PCDHGB3: variants seen among roughly 807,000 people sequenced by gnomAD.
The protein encoded by PCDHGB3 is protocadherin gamma subfamily B, 3, also known as protocadherin gamma-B3.
A neutral mutation model predicts 59.2 loss-of-function variants in PCDHGB3; 40 were observed. The observed-to-expected ratio is 0.68, with a 90% CI of 0.52 to 0.88. The LOEUF (loss-of-function observed/expected upper bound fraction) is 0.88, where lower values mean the gene tolerates loss of function less well. Ranked by LOEUF, PCDHGB3 falls within the 40% of genes least tolerant of loss-of-function variation. The pLI is 0.00. For synonymous variants in PCDHGB3, 581 were observed against 503.6 expected (o/e 1.15, Z -2.06); for missense variants, 1,309 against 1,187.9 (o/e 1.10, Z -1.50).
rs763160633 is a variant in PCDHGB3 at position 141,418,261 on chromosome 5, G to A, written c.2415+45452G>A. 3 of 1,614,056 alleles carry A rather than the reference G, an allele frequency of 1.9e-6. No homozygotes were observed. In the South Asian group the frequency reaches 3.3e-5, roughly 18 times the overall value. Reference sequence around the variant, plus strand: ...TTAATGACCACGCCCCTCAATTCCGGAAAGATGAAATAAACTTAGAAATCA... The same window carrying A: ...TTAATGACCACGCCCCTCAATTCCGAAAAGATGAAATAAACTTAGAAATCA... On this transcript the variant is annotated intron_variant, in intron 1 of 3. Coordinates refer to ENST00000576222, the MANE Select transcript of PCDHGB3 (RefSeq NM_018924.5).
intron 1 of PCDHGB3, chr5:141,373,808 A>C (rs1769864521): frequency 5.8e-6 from 2 of 342,678 alleles, no homozygotes; most frequent in South Asian, 1.1e-4. Flanking sequence ...TCTGTGTGAT[A>C]GTTTCACAAA....
chr5:141,386,941 C>A (rs1391826060), intron 1 of PCDHGB3, among the ~76,000 whole-genome samples: 1 of 152,212 alleles, frequency 6.6e-6, no homozygotes, highest in Non-Finnish European at 1.5e-5. Context: ...AGGTAGGAAG[C>A]AGTGCTTCAG....
chr5:141,421,476 C>A, intron 1 of PCDHGB3: 2 of 1,614,158 alleles, frequency 1.2e-6, no homozygotes, highest in Non-Finnish European at 1.7e-6. Context: ...CGCGAAGCGG[C>A]AGCTTGATCA....
intron 1 of PCDHGB3, chr5:141,408,778 A>G (rs1261786266): frequency 6.2e-7 from 1 of 1,612,198 alleles, no homozygotes; most frequent in Non-Finnish European, 8.5e-7. Flanking sequence ...GCAAATACCC[A>G]GAGTTATCTC....
chr5:141,432,362 C>T lies in PCDHGB3; in HGVS notation c.2415+59553C>T. On this transcript the variant is annotated intron_variant, in intron 1 of 3. Transcript: ENST00000576222. The surrounding 1 kb of genome is among the most constrained non-coding windows in gnomAD (Gnocchi z 6.0). ...AGACTTGCAAGTGAAAGTGATGGCG[C>T]GGGACAACGGGCACCCGCCCCTCAG... 2 of 1,614,218 alleles carry T rather than the reference C, an allele frequency of 1.2e-6. No homozygotes were observed. Among genetic ancestry groups the T allele is most frequent in the South Asian group, 2.2e-5 (2 of 91,082 alleles).
chr5:141,489,077 C>G lies in PCDHGB3; in HGVS notation c.2416-5730C>G, dbSNP rs957205894. On this transcript the variant is annotated intron_variant, in intron 1 of 3. Coordinates refer to ENST00000576222, the MANE Select transcript of PCDHGB3 (RefSeq NM_018924.5). The surrounding 1 kb of genome is among the most constrained non-coding windows in gnomAD (Gnocchi z 4.5). The stretch of plus-strand genomic sequence containing the variant: ...AGCTCCCCTCCCCCCTGCCCACCCC[C>G]GCCACTCGGTGACTAAGAACTGCTG... 7 of 325,684 alleles carry G rather than the reference C, an allele frequency of 2.1e-5. No homozygotes were observed. Among genetic ancestry groups the G allele is most frequent in the Non-Finnish European group, 3.9e-5 (7 of 181,468 alleles). The allele number at this position is 325,684 out of a possible 1,614,324, so 20.2% of individuals were successfully genotyped here.
chr5:141,396,935 C>T (rs545100008), intron 1 of PCDHGB3, among the ~76,000 whole-genome samples: 1 of 152,240 alleles, frequency 6.6e-6, no homozygotes, highest in South Asian at 2.1e-4. Flanking sequence ...ATGAAAGTTG[C>T]CCTGGTAGGA....
chr5:141,473,004 AAAAG>A (rs1215989598), intron 1 of PCDHGB3, among the ~76,000 whole-genome samples: 5 of 151,730 alleles, frequency 3.3e-5, no homozygotes, highest in Non-Finnish European at 7.4e-5. Context: ...AAAAGAAAGA[AAAAG>A]AAAAAGAAAG....
chr5:141,370,922 G>C lies in PCDHGB3; in HGVS notation c.528G>C (p.Pro176=), dbSNP rs563952977. 6.2e-7 allele frequency: 1 copy of C among 1,613,978 alleles called. No individual in the cohort carries two copies. The highest frequency in any genetic ancestry group is 1.7e-5 in the Admixed American group (1 of 60,012). The change falls in exon 1 of 4, where the codon CCG becomes CCC. Residue 176 remains proline (P), a synonymous_variant. Coordinates refer to ENST00000576222, the MANE Select transcript of PCDHGB3 (RefSeq NM_018924.5). ...SLQQYYLSPD[P]HFSLIQKENL... ...AGCAGTACTACCTCAGCCCTGATCC[G>C]CACTTCTCTTTGATTCAGAAGGAGA...
Position 141,485,422 on chromosome 5 carries a change from C to G in PCDHGB3, c.2416-9385C>G, listed in dbSNP as rs775279056. 6.2e-7 allele frequency: 1 copy of G among 1,614,130 alleles called. No homozygotes were observed. Among genetic ancestry groups the G allele is most frequent in the East Asian group, 2.2e-5 (1 of 44,872 alleles). ...TCCGTGTGGATTTGGACAGCGGAGC[C>G]CTGCTCATCAAGAACCCAATCGACC... On this transcript the variant is annotated intron_variant, in intron 1 of 3. Transcript: ENST00000576222. The surrounding 1 kb of genome is among the most constrained non-coding windows in gnomAD (Gnocchi z 5.7).
At chr5:141,510,272 TAA>T (rs546154379) in intron 3 of PCDHGB3, among the ~76,000 whole-genome samples, 46 of 130,286 alleles carry the variant, frequency 3.5e-4, no homozygotes, top group South Asian at 5.0e-4. Context: ...GACTCCATCT[TAA>T]AAAAAAAAAA....
chr5:141,386,866 A>G (rs2150322529), intron 1 of PCDHGB3, among the ~76,000 whole-genome samples: 1 of 152,364 alleles, frequency 6.6e-6, no homozygotes, highest in East Asian at 1.9e-4. Context: ...AGCTATTGCA[A>G]TCAAACTTTC....
intron 1 of PCDHGB3, among the ~76,000 whole-genome samples, chr5:141,406,535 G>A (rs2094820779): frequency 6.6e-6 from 1 of 152,168 alleles, no homozygotes; most frequent in South Asian, 2.1e-4. Context: ...TTCTGACGAA[G>A]ATTCAAACTT....
chr5:141,512,897 C>T lies in PCDHGB3; in HGVS notation c.*1724C>T, dbSNP rs1482341871. ...CTCCCACCCCACCCTCTTCCTGTGT[C>T]TCACGCAAGTTTTATACTCTAATAT... On this transcript the variant is annotated 3_prime_UTR_variant, in exon 4 of 4. Coordinates refer to ENST00000576222, the MANE Select transcript of PCDHGB3 (RefSeq NM_018924.5). 1.3e-5 allele frequency: 2 copies of T among 152,274 alleles called. No homozygotes were observed. The highest frequency in any genetic ancestry group is 4.8e-5 in the African/African-American group (2 of 41,470). The allele number at this position is 152,274 out of a possible 1,614,324, so 9.4% of individuals were successfully genotyped here. A position where few individuals can be genotyped will look rare whatever the true frequency, so the allele number is the denominator to read the frequency against.
chr5:141,484,864 A>G, intron 1 of PCDHGB3: 1 of 263,722 alleles, frequency 3.8e-6, no homozygotes, highest in Non-Finnish European at 7.2e-6. Context: ...GGGGTGGGGG[A>G]GCGTGGAGGA....
chr5:141,409,928 G>T, intron 1 of PCDHGB3: 4 of 1,613,354 alleles, frequency 2.5e-6, no homozygotes, highest in Non-Finnish European at 2.5e-6. Flanking sequence ...CGCGTTCTTC[G>T]ATATGGTACC....
chr5:141,450,633 C>T (rs751572851), intron 1 of PCDHGB3, among the ~76,000 whole-genome samples: 2 of 149,416 alleles, frequency 1.3e-5, no homozygotes, highest in East Asian at 2.0e-4. Flanking sequence ...ATTACAGATG[C>T]CTGCCACCAT....
chr5:141,388,161 G>A (rs2150354529), intron 1 of PCDHGB3: 4 of 1,475,088 alleles, frequency 2.7e-6, no homozygotes, highest in South Asian at 1.2e-5. Flanking sequence ...GCTAGACAGG[G>A]AGGAGATATG....
In PCDHGB3 at chr5:141,477,442, A is replaced by G; in HGVS notation, c.2416-17365A>G. The G allele has an allele frequency of 6.2e-7, 1 of 1,614,132 alleles. No individual in the cohort carries two copies. Among genetic ancestry groups the G allele is most frequent in the Non-Finnish European group, 8.5e-7 (1 of 1,180,022 alleles). ...CCCCTTCCCTCTCAGCCCTTACAAT[A>G]GTGCGTGTTCAAGTGTCCGACATCA... On this transcript the variant is annotated intron_variant, in intron 1 of 3. Coordinates refer to ENST00000576222, the MANE Select transcript of PCDHGB3 (RefSeq NM_018924.5). This position sits in a 1 kb window ranked among gnomAD's most constrained non-coding sequence, Gnocchi z 4.9.
Sources: gnomAD v4.1 joint callset for allele counts (sites outside exome capture counted in the v4.1 genomes callset) on GRCh38, gnomAD v4.1.1 for gene constraint, Gnocchi (gnomAD v3.1) non-coding constraint, MANE v1.5 for transcripts, NCBI Gene and HGNC (gene_info 2026-07-23, HGNC 2026-07-21) for gene names.